Variants in SPTBN5 observed in about 807,000 individuals in gnomAD.
The protein encoded by SPTBN5 is spectrin beta, non-erythrocytic 5.
Under a neutral mutation model 477.6 loss-of-function variants are expected in SPTBN5, and 513 were observed. The ratio of observed to expected loss-of-function variants is 1.07; its 90% CI spans 1.00 to 1.16. The LOEUF (loss-of-function observed/expected upper bound fraction) is 1.16, where lower values mean the gene tolerates loss of function less well. Ranked by LOEUF, SPTBN5 falls within the 50% of genes most tolerant of loss-of-function variation. The pLI is 0.00. For missense variants in SPTBN5, 5,062 were observed against 4,731.8 expected, an observed-to-expected ratio of 1.07 and a Z score of -2.05; for synonymous variants, 2,169 against 2,011.7, an observed-to-expected ratio of 1.08 and a Z score of -2.09.
rs1340639277 is a variant in SPTBN5 at position 41,852,963 on chromosome 15, TGCA to T, written c.10205_10207del (p.Leu3402del). The T allele has an allele frequency of 6.4e-7, 1 of 1,566,536 alleles. No homozygotes were observed. Among genetic ancestry groups the T allele is most frequent in the Admixed American group, 1.9e-5 (1 of 52,482 alleles). ...CAGGGCCCAAGCCTCCTCCAGCTCC[TGCA>T]GCCGCCCTTCCAGCTCCTGCAGGCA... On this transcript the variant is annotated inframe_deletion, in exon 60 of 68. Transcript: ENST00000320955.
At chr15:41,860,879 A>G in intron 46 of SPTBN5, 121 bp from the exon 47 acceptor site, 1 of 1,003,730 alleles carries the variant, frequency 1.0e-6, no homozygotes, top group South Asian at 2.5e-5. Flanking sequence ...GCTCCGCCCA[A>G]ACACATCCCT....
chr15:41,875,114 T>A, intron 22 of SPTBN5, 58 bp from the exon 23 acceptor site: 1 of 1,491,698 alleles, frequency 6.7e-7, no homozygotes, highest in Middle Eastern at 1.8e-4. Context: ...GCAAGTGGCC[T>A]TCCCGGGCTC....
chr15:41,877,105 C>T lies in SPTBN5; in HGVS notation c.3711+11G>A, dbSNP rs1351478358. On this transcript the variant is annotated intron_variant, in intron 18 of 67. Coordinates refer to ENST00000320955, the MANE Select transcript of SPTBN5 (RefSeq NM_016642.4). ...GGAGTGACAGCCTAGCTCCACATTC[C>T]TGCTCCATACCCCAAGGTTGTCCAG... 1 of 1,613,666 alleles carries T rather than the reference C, an allele frequency of 6.2e-7. No homozygotes were observed. Among genetic ancestry groups the T allele is most frequent in the African/African-American group, 1.3e-5 (1 of 75,060 alleles).
Position 41,851,114 on chromosome 15 carries a change from C to G in SPTBN5, c.10780G>C (p.Ala3594Pro), listed in dbSNP as rs1046560436. The G allele has an allele frequency of 1.9e-6, 3 of 1,613,312 alleles. No individual in the cohort carries two copies. The highest frequency in any genetic ancestry group is 1.7e-6 in the Non-Finnish European group (2 of 1,179,832). ...CGGCCCCGCAGCCTCTCACACCGGGCTCCCGTGAGGTCAAGGAGGGCTATG... is the reference window on the plus strand; with the variant it reads ...CGGCCCCGCAGCCTCTCACACCGGGGTCCCGTGAGGTCAAGGAGGGCTATG... ...ASIALLDLTG[A>P]RCERLRGRHG... The change falls in exon 65 of 68, where the codon GCC becomes CCC. Residue 3594 changes from alanine (A) to proline (P), a missense_variant. Transcript: ENST00000320955.
chr15:41,863,020 G>A, intron 41 of SPTBN5, 117 bp from the exon 42 acceptor site: 1 of 924,530 alleles, frequency 1.1e-6, no homozygotes, highest in South Asian at 1.5e-5. Context: ...TGATTTCCTG[G>A]CCCCGACTTT....
In SPTBN5 at chr15:41,887,248, G is replaced by A. The variant is rs2140967714; in HGVS notation, c.853C>T (p.His285Tyr). ...SLYYHYCSRL[H>Y]QGQTVQRRLT... ...CTCCTCTGGACAGTCTGCCCCTGAT[G>A]CAGGCGGGAGCAGTAGTGGTAGTAG... The change falls in exon 6 of 68, where the codon CAT (histidine) becomes TAT (tyrosine). Residue 285 changes from histidine to tyrosine, a missense_variant. His to Tyr is a moderately conservative substitution (Grantham distance 83). Coordinates refer to ENST00000320955, the MANE Select transcript of SPTBN5 (RefSeq NM_016642.4). 1.3e-6 allele frequency: 2 copies of A among 1,551,382 alleles called. No homozygotes were observed. The highest frequency in any genetic ancestry group is 1.7e-4 in the Middle Eastern group (1 of 5,992).
intron 39 of SPTBN5, among the ~76,000 whole-genome samples, chr15:41,865,586 C>T (rs1213432066): frequency 6.6e-6 from 1 of 152,242 alleles, no homozygotes; most frequent in African/African-American, 2.4e-5. Flanking sequence ...GATTCACGTA[C>T]CTGCCACCAC....
Position 41,857,409 on chromosome 15 carries a change from T to A in SPTBN5, c.8450A>T (p.Gln2817Leu). Residue 2817 changes from glutamine (Q) to leucine (L), a missense_variant, in exon 51 of 68, where the codon CAG becomes CTG. Coordinates refer to ENST00000320955, the MANE Select transcript of SPTBN5 (RefSeq NM_016642.4). ...EVELRAPTVG[Q>L]ALPGVGELLG... is the part of the protein sequence containing the mutation. The stretch of plus-strand genomic sequence containing the variant: ...GAGCTCGCCCACCCCAGGCAGGGCC[T>A]GGCCCACAGTGGGGGCTCTCAGCTC... The A allele has an allele frequency of 6.3e-7, 1 of 1,596,804 alleles. No homozygotes were observed. Among genetic ancestry groups the A allele is most frequent in the Non-Finnish European group, 8.5e-7 (1 of 1,172,046 alleles).
In SPTBN5 at chr15:41,882,756, C is replaced by T. The variant is rs1258358644; in HGVS notation, c.1893-18G>A. On this transcript the variant is annotated intron_variant, in intron 9 of 67. Transcript: ENST00000320955. ...GGGCCCGCCTGAGGGACAATAGGGGCCACCGAAGGACATGGGGAGTCGTGA... is the reference window on the plus strand; with the variant it reads ...GGGCCCGCCTGAGGGACAATAGGGGTCACCGAAGGACATGGGGAGTCGTGA... The T allele has an allele frequency of 6.2e-7, 1 of 1,603,856 alleles. No individual in the cohort carries two copies. The highest frequency in any genetic ancestry group is 1.7e-5 in the Admixed American group (1 of 58,558).
chr15:41,852,538 C>A, intron 61 of SPTBN5, 96 bp downstream of exon 61: 1 of 1,402,772 alleles, frequency 7.1e-7, no homozygotes, highest in Non-Finnish European at 1.0e-6. Flanking sequence ...AAGGCAGGGC[C>A]GGGTGAGGGC....
At position 41,882,476 on chromosome 15, in the gene SPTBN5, G is replaced by C. The variant is rs377144820; in HGVS notation, c.2047-7C>G. On this transcript the variant is annotated splice_polypyrimidine_tract_variant and splice_region_variant and intron_variant, in intron 10 of 67. Coordinates refer to ENST00000320955, the MANE Select transcript of SPTBN5 (RefSeq NM_016642.4). ...GGACCTCAGCTTCCAGGGCCTAGCG[G>C]GGGGCAGAGCAGGGGGCTCAGTGAA... is the stretch of plus-strand genomic sequence containing the variant. The C allele has an allele frequency of 4.0e-5, 62 of 1,557,524 alleles. No homozygotes were observed. In the African/African-American group the frequency reaches 4.1e-4, roughly 10 times the overall value.
rs950464308 is a variant in SPTBN5 at position 41,866,104 on chromosome 15, C to T, written c.6756G>A (p.Glu2252=). 7 of 1,557,632 alleles carry T rather than the reference C, an allele frequency of 4.5e-6. No homozygotes were observed. The highest frequency in any genetic ancestry group is 5.2e-6 in the Non-Finnish European group (6 of 1,151,364). Residue 2252 remains glutamate (E), a synonymous_variant, in exon 38 of 68, where the codon GAG becomes GAA. Transcript: ENST00000320955. ...GGAACTCCAGGAAGTTCCGCCTGTC[C>T]TCCAGCTCCTGGCCCCTGAGGGCCA... is the stretch of plus-strand genomic sequence containing the variant. The part of the protein sequence containing the change: ...QAMALRGQEL[E]DRRNFLEFLQ...
Position 41,861,816 on chromosome 15 carries a change from A to C in SPTBN5, c.7656T>G (p.Ala2552=), listed in dbSNP as rs569110398. 6 of 1,594,074 alleles carry C rather than the reference A, an allele frequency of 3.8e-6. No homozygotes were observed. The South Asian group carries it at 6.8e-5, about 18-fold the overall frequency. The change falls in exon 45 of 68, where the codon GCT becomes GCG. Residue 2552 remains alanine (A), a synonymous_variant. Coordinates refer to ENST00000320955, the MANE Select transcript of SPTBN5 (RefSeq NM_016642.4). Reference sequence around the variant, plus strand: ...GGCTGCTCAGCTCCTGTTCTAAGCCAGCCAGCACCTGGCGAATGTCGGAGC... The same window carrying C: ...GGCTGCTCAGCTCCTGTTCTAAGCCCGCCAGCACCTGGCGAATGTCGGAGC... ...PFSSDIRQVL[A]GLEQELSSLE... is the part of the protein sequence containing the mutation.
Position 41,852,894 on chromosome 15 carries a change from C to T in SPTBN5, c.10277G>A (p.Arg3426Gln), listed in dbSNP as rs769332593. Residue 3426 changes from arginine to glutamine, a missense_variant, in exon 60 of 68, where the codon CGG becomes CAG. Arg to Gln is a conservative substitution (Grantham distance 43). Transcript: ENST00000320955. ...CAESWGLQKLRQRLEQAEAWL... is the reference protein window; with the variant it reads ...CAESWGLQKLQQRLEQAEAWL... ...GGCCTCAGCCTGCTCCAGCCTCTGC[C>T]GAAGCTTCTGCAGGCCCCAGCTCTC... The T allele has an allele frequency of 3.4e-5, 54 of 1,608,304 alleles. No homozygotes were observed. In the East Asian group the frequency reaches 5.4e-4, roughly 16 times the overall value.
rs777464684 is a variant in SPTBN5 at position 41,869,827 on chromosome 15, G to A, written c.5853+14C>T. 2 of 1,546,562 alleles carry A rather than the reference G, an allele frequency of 1.3e-6. No individual in the cohort carries two copies. Among genetic ancestry groups the A allele is most frequent in the Non-Finnish European group, 1.7e-6 (2 of 1,157,896 alleles). On this transcript the variant is annotated intron_variant, in intron 32 of 67. Transcript: ENST00000320955. ...CATGCACACACACACCACCCAAAGG[G>A]CAGGAGCCCTCACCGCCGTGCGGAA... is the stretch of plus-strand genomic sequence containing the variant.
chr15:41,870,602 G>A lies in SPTBN5; in HGVS notation c.5448-42C>T, dbSNP rs544946923. 2.1e-5 allele frequency: 32 copies of A among 1,538,610 alleles called. No homozygotes were observed. The Admixed American group carries it at 4.2e-4, about 20-fold the overall frequency. ...GAAGACCAGCCGGGGATCAGCTGCC[G>A]GGCCGTGTCATTCCTCCCTCCCGCT... On this transcript the variant is annotated intron_variant, in intron 29 of 67. Coordinates refer to ENST00000320955, the MANE Select transcript of SPTBN5 (RefSeq NM_016642.4).
chr15:41,860,647 G>A lies in SPTBN5; in HGVS notation c.7927C>T (p.His2643Tyr). Residue 2643 changes from histidine to tyrosine, a missense_variant, in exon 47 of 68, where the codon CAC (histidine) becomes TAC (tyrosine). Transcript: ENST00000320955. ...TGGGCCTCGGGGTGCCCACCCTGGT[G>A]CAGGCCGCGGGCCGTGGCCTCCAGA... is the stretch of plus-strand genomic sequence containing the variant. ...SALEATARGLHQGGHPEAQSA... is the reference protein window; with the variant it reads ...SALEATARGLYQGGHPEAQSA... The A allele has an allele frequency of 1.3e-6, 2 of 1,546,260 alleles. No homozygotes were observed. Among genetic ancestry groups the A allele is most frequent in the Non-Finnish European group, 8.7e-7 (1 of 1,145,588 alleles).
rs928079434 is a variant in SPTBN5, at chr15:41,852,028, A to G, written c.10584+154T>C. 1.4e-5 allele frequency: 14 copies of G among 1,013,080 alleles called. No individual in the cohort carries two copies. The African/African-American group carries it at 2.1e-4, about 15-fold the overall frequency. 62.8% of individuals were successfully genotyped at this position (1,013,080 alleles called of 1,614,324 possible). A position where few individuals can be genotyped will look rare whatever the true frequency, so the allele number is the denominator to read the frequency against. On this transcript the variant is annotated intron_variant, in intron 62 of 67. Transcript: ENST00000320955. Reference sequence around the variant, plus strand: ...CATGTTCAGGGTGGTATGGCTGTAGACAGCCATCTTTATTCCTAATGACCT... The same window carrying G: ...CATGTTCAGGGTGGTATGGCTGTAGGCAGCCATCTTTATTCCTAATGACCT...
At position 41,856,474 on chromosome 15, in the gene SPTBN5, T is replaced by A. The variant is rs754481528; in HGVS notation, c.8933A>T (p.Glu2978Val). ...HEVAARVQQLEKAMAHLRAEA... is the reference protein window; with the variant it reads ...HEVAARVQQLVKAMAHLRAEA... ...TGCCCGCAGGTGGGCCATGGCCTTCTCCAGCTGCTGCACCCGGGCGGCCAC... is the reference window on the plus strand; with the variant it reads ...TGCCCGCAGGTGGGCCATGGCCTTCACCAGCTGCTGCACCCGGGCGGCCAC... The change falls in exon 53 of 68, where the codon GAG becomes GTG. Residue 2978 changes from glutamate (E) to valine (V), a missense_variant. Glu to Val is a moderately radical substitution (Grantham distance 121). Transcript: ENST00000320955. The A allele has an allele frequency of 6.3e-7, 1 of 1,597,486 alleles. No homozygotes were observed. Among genetic ancestry groups the A allele is most frequent in the African/African-American group, 1.3e-5 (1 of 74,636 alleles).
Sources: allele counts gnomAD v4.1 joint callset (sites outside exome capture counted in the v4.1 genomes callset), GRCh38; gene constraint gnomAD v4.1.1; transcripts MANE v1.5; gene names NCBI Gene and HGNC (gene_info 2026-07-23, HGNC 2026-07-21).